AK3: variants seen among roughly 807,000 people sequenced by gnomAD.
AK3 encodes the protein GTP:AMP phosphotransferase AK3, mitochondrial.
Under a neutral mutation model 23.7 loss-of-function variants are expected in AK3, and 27 were observed. The ratio of observed to expected loss-of-function variants is 1.14; its 90% confidence interval spans 0.84 to 1.57. The LOEUF is 1.57. Ranked by LOEUF, AK3 falls within the 40% of genes most tolerant of loss-of-function variation. The pLI is 0.00. For missense variants in AK3, 406 were observed against 285.6 expected (o/e 1.42, Z -3.04); for synonymous variants, 159 against 116.0 (o/e 1.37, Z -2.38).
intron 1 of AK3, among the ~76,000 whole-genome samples, chr9:4,724,272 A>G (rs757555300): frequency 5.3e-4 from 80 of 152,160 alleles, no homozygotes; most frequent in Non-Finnish European, 1.0e-3. Context: ...AAAAAAATGT[A>G]AAAACACGCA....
chr9:4,722,152 C>A (rs983536686), intron 2 of AK3, among the ~76,000 whole-genome samples: 1 of 152,186 alleles, frequency 6.6e-6, no homozygotes, highest in Non-Finnish European at 1.5e-5. Flanking sequence ...AATCAACCTA[C>A]CCTCAAGGAT....
Position 4,737,537 on chromosome 9 carries a change from C to T in AK3, c.151+3400G>A, listed in dbSNP as rs78547985. On this transcript the variant is annotated intron_variant, in intron 1 of 4. Transcript: ENST00000381809. ...GGAGTTCGAGACCAGCCTGCCAATACGGCAAAACCATCTCTACTGAAAATA... is the reference window on the plus strand; with the variant it reads ...GGAGTTCGAGACCAGCCTGCCAATATGGCAAAACCATCTCTACTGAAAATA... 3.1e-3 allele frequency among the ~76,000 whole-genome samples: 476 copies of T among 152,188 alleles called. 1 individual carries two copies. Among genetic ancestry groups the T allele is most frequent in the African/African-American group, 0.011 (442 of 41,540 alleles).
rs2130894506 is a variant in AK3 at position 4,726,578 on chromosome 9, A to C, written c.152-3953T>G. ...CAATCCAGTTACATCTTCAGGCTGC[A>C]CTTCTAATTCTAGTTCTCTTGCTAT... On this transcript the variant is annotated intron_variant, in intron 1 of 4. Transcript: ENST00000381809. Among the ~76,000 whole-genome samples, 2 of 152,212 alleles carry C rather than the reference A, an allele frequency of 1.3e-5. 1 individual carries two copies. Among genetic ancestry groups the C allele is most frequent in the East Asian group, 3.9e-4 (2 of 5,180 alleles).
intron 1 of AK3, among the ~76,000 whole-genome samples, chr9:4,729,178 T>C (rs1035728843): frequency 1.3e-5 from 2 of 151,632 alleles, no homozygotes; most frequent in African/African-American, 4.8e-5. Flanking sequence ...AGCCAGCTAA[T>C]TCTGTATTTT....
In AK3 at chr9:4,737,662, T is replaced by C. The variant is rs527582692; in HGVS notation, c.151+3275A>G. 3.9e-5 allele frequency among the ~76,000 whole-genome samples: 6 copies of C among 152,250 alleles called. No individual in the cohort carries two copies. The East Asian group carries it at 1.2e-3, about 29-fold the overall frequency. On this transcript the variant is annotated intron_variant, in intron 1 of 4. Transcript: ENST00000381809. ...TGAACCCAGGAGTCGGAGGTCGCAG[T>C]AAGCCGAGATCGTGCCACTGCACTC...
At chr9:4,741,300 C>A, upstream of AK3, 1 of 434,410 alleles carries the variant, frequency 2.3e-6, no homozygotes, top group Non-Finnish European at 3.8e-6. Flanking sequence ...GCTACCCCGG[C>A]GCACCCCCCG....
intron 1 of AK3, among the ~76,000 whole-genome samples, chr9:4,735,941 C>T (rs1842282180): frequency 6.9e-6 from 1 of 144,276 alleles, no homozygotes; most frequent in South Asian, 2.4e-4. Flanking sequence ...ATGGTGAAAC[C>T]CCATCTCTAC....
chr9:4,718,134 T>C (rs1841786832), intron 4 of AK3, among the ~76,000 whole-genome samples: 1 of 152,198 alleles, frequency 6.6e-6, no homozygotes, highest in Non-Finnish European at 1.5e-5. Flanking sequence ...GCCCTGGCTG[T>C]TCCTACAAAT....
Position 4,710,107 on chromosome 9 carries a change from C to G in AK3, c.*2869G>C, listed in dbSNP as rs1182086666. 6.6e-6 allele frequency: 1 copy of G among 152,170 alleles called. No homozygotes were observed. The highest frequency in any genetic ancestry group is 2.4e-5 in the African/African-American group (1 of 41,432). 9.4% of individuals were successfully genotyped at this position (152,170 alleles called of 1,614,324 possible). On this transcript the variant is annotated 3_prime_UTR_variant, in exon 5 of 5. Coordinates refer to ENST00000381809, the MANE Select transcript of AK3 (RefSeq NM_016282.4). Reference sequence around the variant, plus strand: ...AACTGACAGAAATTTCTGGATGGTGCTAACAACTGCTAGTTTGCATTTCCC... The same window carrying G: ...AACTGACAGAAATTTCTGGATGGTGGTAACAACTGCTAGTTTGCATTTCCC...
intron 1 of AK3, 144 bp from the exon 2 acceptor site, chr9:4,722,769 G>A: frequency 7.8e-7 from 1 of 1,284,932 alleles, no homozygotes; most frequent in South Asian, 1.4e-5. Context: ...TAAAAACAAA[G>A]GTTATGGCCG....
At chr9:4,715,563 A>AT (rs1162584320) in intron 4 of AK3, among the ~76,000 whole-genome samples, 2 of 150,270 alleles carry the variant, frequency 1.3e-5, no homozygotes, top group Admixed American at 6.7e-5. Flanking sequence ...CCTGGCTAAT[A>AT]TTTTTTTTTA....
At chr9:4,733,447 T>C (rs372966015) in intron 1 of AK3, among the ~76,000 whole-genome samples, 24 of 152,320 alleles carry the variant, frequency 1.6e-4, no homozygotes, top group African/African-American at 5.3e-4. Flanking sequence ...AAGTCCTTGT[T>C]TCTCTCTGGT....
chr9:4,736,250 A>G (rs1425578092), intron 1 of AK3, among the ~76,000 whole-genome samples: 1 of 152,128 alleles, frequency 6.6e-6, no homozygotes, highest in Non-Finnish European at 1.5e-5. Flanking sequence ...AGCTATTAGA[A>G]AAAAATGAAA....
intron 1 of AK3, among the ~76,000 whole-genome samples, chr9:4,731,131 A>G (rs150175585): frequency 1.6e-3 from 247 of 152,268 alleles, no homozygotes; most frequent in African/African-American, 5.5e-3. Context: ...TATAATTTCT[A>G]TTATAATTTC....
intron 1 of AK3, among the ~76,000 whole-genome samples, chr9:4,736,973 T>C (rs1489775607): frequency 5.9e-5 from 9 of 152,072 alleles, no homozygotes; most frequent in Non-Finnish European, 1.2e-4. Flanking sequence ...CCACCACACC[T>C]AGCCAGGGTT....
intron 1 of AK3, among the ~76,000 whole-genome samples, chr9:4,728,958 C>T (rs190546621): frequency 1.5e-5 from 2 of 137,910 alleles, no homozygotes; most frequent in African/African-American, 2.7e-5. Context: ...CATATATATA[C>T]ACATACATAT....
At chr9:4,734,632 G>C (rs894314141) in intron 1 of AK3, among the ~76,000 whole-genome samples, 1 of 152,130 alleles carries the variant, frequency 6.6e-6, no homozygotes, top group South Asian at 2.1e-4. Context: ...TCTAGCAAAA[G>C]CCTACTTTCT....
At chr9:4,713,209 T>A in intron 4 of AK3, 113 bp from the exon 5 acceptor site, 2 of 1,370,012 alleles carry the variant, frequency 1.5e-6, no homozygotes, top group Admixed American at 4.7e-5. Context: ...TCTTGGTAAG[T>A]ATAGATTTGT....
upstream of AK3, chr9:4,741,360 G>C (rs1190853829): frequency 3.3e-6 from 1 of 299,824 alleles, no homozygotes. Context: ...CGCGCAAGCC[G>C]CGCCCCCTCT....
Sources: allele counts gnomAD v4.1 joint callset (sites outside exome capture counted in the v4.1 genomes callset), GRCh38; gene constraint gnomAD v4.1.1; transcripts MANE v1.5; gene names NCBI Gene and HGNC (gene_info 2026-07-23, HGNC 2026-07-21).